The following EPM2A variants were observed in gnomAD, a reference collection of about 807,000 sequenced individuals.
The protein encoded by EPM2A is laforin.
EPM2A carries 21 observed loss-of-function variants against 26.5 expected under a neutral mutation model. The ratio of observed to expected loss-of-function variants is 0.79; its 90% CI spans 0.56 to 1.14. The LOEUF is 1.14. Ranked by LOEUF, EPM2A falls within the 50% of genes most tolerant of loss-of-function variation. The pLI is 0.00. For missense variants in EPM2A, 458 were observed against 440.8 expected (o/e 1.04, Z -0.35); for synonymous variants, 217 against 177.6 (o/e 1.22, Z -1.76).
chr6:145,591,494 C>A (rs1048752007), intron 2 of EPM2A, among the ~76,000 whole-genome samples: 2 of 152,002 alleles, frequency 1.3e-5, no homozygotes, highest in Non-Finnish European at 2.9e-5. Context: ...AAAACAAAAA[C>A]AAGAATTACA....
intron 2 of EPM2A, among the ~76,000 whole-genome samples, chr6:145,589,364 A>G (rs1781239332): frequency 6.6e-6 from 1 of 152,110 alleles, no homozygotes; most frequent in East Asian, 1.9e-4. Flanking sequence ...GCTGAGTATC[A>G]TTGCTGGGGA....
chr6:145,438,071 T>G (rs1395584421), intron 4 of EPM2A, among the ~76,000 whole-genome samples: 2 of 152,132 alleles, frequency 1.3e-5, no homozygotes, highest in African/African-American at 2.4e-5. Context: ...CTTACCTCTT[T>G]TCAGGTGGTG....
At chr6:145,422,076 T>TATATATAG (rs368615331) in intron 4 of EPM2A, among the ~76,000 whole-genome samples, 11 of 138,656 alleles carry the variant, frequency 7.9e-5, no homozygotes, top group African/African-American at 1.6e-4. Flanking sequence ...TATATATATA[T>TATATATAG]AGAGAGAGAG....
At chr6:145,622,383 G>T (rs1452808514), downstream of EPM2A, among the ~76,000 whole-genome samples, 2 of 152,032 alleles carry the variant, frequency 1.3e-5, no homozygotes, top group African/African-American at 4.8e-5. Context: ...TAGCCTTCAG[G>T]TAGTTGTTTT....
At chr6:145,399,626 G>A (rs1278492016) in intron 4 of EPM2A, among the ~76,000 whole-genome samples, 65 of 152,214 alleles carry the variant, frequency 4.3e-4, no homozygotes, top group Non-Finnish European at 1.0e-4. Flanking sequence ...TAAATTATTT[G>A]ACAATTTAGA....
chr6:145,579,021 G>A (rs1309954538), intron 2 of EPM2A, among the ~76,000 whole-genome samples: 3 of 152,100 alleles, frequency 2.0e-5, no homozygotes, highest in African/African-American at 4.8e-5. Flanking sequence ...GGAATGGGGA[G>A]GGATAGCATT....
At chr6:145,582,772 C>G (rs1781132839) in intron 2 of EPM2A, among the ~76,000 whole-genome samples, 2 of 152,150 alleles carry the variant, frequency 1.3e-5, no homozygotes, top group Non-Finnish European at 2.9e-5. Context: ...TTTTCTCTCC[C>G]TCTTCTTCAG....
intron 2 of EPM2A, among the ~76,000 whole-genome samples, chr6:145,515,679 C>T (rs1780115832): frequency 2.0e-5 from 3 of 152,158 alleles, no homozygotes; most frequent in African/African-American, 7.2e-5. Context: ...CTAATAGTAT[C>T]ACCTTGGGGG....
intron 2 of EPM2A, among the ~76,000 whole-genome samples, chr6:145,606,276 GTTTA>G (rs901508028): frequency 8.6e-5 from 13 of 151,856 alleles, no homozygotes; most frequent in African/African-American, 2.9e-4. Context: ...TTTCTTAACT[GTTTA>G]TTTTTCTAGA....
At chr6:145,677,964 T>C (rs559825303) in intron 2 of EPM2A, among the ~76,000 whole-genome samples, 2 of 152,194 alleles carry the variant, frequency 1.3e-5, no homozygotes, top group Non-Finnish European at 2.9e-5. Context: ...AGAGCCTGCA[T>C]TGCCATGACA....
intron 4 of EPM2A, among the ~76,000 whole-genome samples, chr6:145,416,433 G>T (rs530497725): frequency 5.1e-4 from 78 of 152,146 alleles, no homozygotes; most frequent in African/African-American, 1.8e-3. Flanking sequence ...ATTTTATATG[G>T]ATATACATAG....
chr6:145,619,190 G>A (rs569722068), intron 2 of EPM2A, among the ~76,000 whole-genome samples: 1 of 152,168 alleles, frequency 6.6e-6, no homozygotes, highest in Admixed American at 6.5e-5. Flanking sequence ...TATTGAGTTT[G>A]GGAGATATTC....
intron 2 of EPM2A, chr6:145,637,471 C>CT (rs754280153): frequency 0.012 from 1,811 of 145,164 alleles, 12 homozygotes; most frequent in Admixed American, 0.019. Flanking sequence ...AGAAGAACAA[C>CT]TTTTTTTTTT....
At chr6:145,419,186 C>CA (rs990871916) in intron 4 of EPM2A, among the ~76,000 whole-genome samples, 7 of 149,772 alleles carry the variant, frequency 4.7e-5, no homozygotes, top group Non-Finnish European at 3.0e-5. Flanking sequence ...AATGTCCCCC[C>CA]CCCCCGCTCC....
chr6:145,686,020 C>T, intron 2 of EPM2A, 102 bp downstream of exon 2: 2 of 1,046,830 alleles, frequency 1.9e-6, no homozygotes, highest in Non-Finnish European at 2.9e-6. Context: ...ATAGACCCCT[C>T]CCAAGTGAGG....
At chr6:145,531,214 C>G (rs1273285474) in intron 2 of EPM2A, among the ~76,000 whole-genome samples, 1 of 152,126 alleles carries the variant, frequency 6.6e-6, no homozygotes, top group Non-Finnish European at 1.5e-5. Flanking sequence ...CAGGATGGCT[C>G]CCTGCAGGGA....
chr6:145,462,811 T>C (rs1219501510), intron 4 of EPM2A, among the ~76,000 whole-genome samples: 1 of 152,200 alleles, frequency 6.6e-6, no homozygotes, highest in East Asian at 1.9e-4. Context: ...AAGACTCTTA[T>C]TTAAAGCCTC....
chr6:145,616,426 C>G (rs1775513645), intron 2 of EPM2A, among the ~76,000 whole-genome samples: 2 of 152,206 alleles, frequency 1.3e-5, no homozygotes, highest in Admixed American at 1.3e-4. Context: ...GGGCAGGGCT[C>G]TCATGGAGAA....
intron 2 of EPM2A, among the ~76,000 whole-genome samples, chr6:145,676,035 T>C (rs1031608826): frequency 6.6e-6 from 1 of 152,168 alleles, no homozygotes; most frequent in South Asian, 2.1e-4. Context: ...AGTAAAGCAT[T>C]CCTCAGCAAA....
Sources: allele counts gnomAD v4.1 joint callset (sites outside exome capture counted in the v4.1 genomes callset), GRCh38; gene constraint gnomAD v4.1.1; transcripts MANE v1.5; gene names NCBI Gene and HGNC (gene_info 2026-07-23, HGNC 2026-07-21).